The following MMS22L variants were observed in gnomAD, a reference collection of about 807,000 sequenced individuals.
The protein encoded by MMS22L is protein MMS22-like.
In MMS22L, 74 loss-of-function variants were observed where a neutral mutation model predicts 159.1. That is an observed-to-expected ratio of 0.47 (90% CI 0.39 to 0.56). MMS22L has a LOEUF of 0.56. Among genes scored for constraint, MMS22L ranks in the 20% least tolerant of loss-of-function variants. The pLI is 0.00. For missense variants in MMS22L, 1,351 were observed against 1,422.1 expected, an observed-to-expected ratio of 0.95 and a Z score of 0.80; for synonymous variants, 517 against 506.9, an observed-to-expected ratio of 1.02 and a Z score of -0.27.
intron 14 of MMS22L, among the ~76,000 whole-genome samples, chr6:97,188,517 A>C (rs1051739174): frequency 6.6e-6 from 1 of 152,196 alleles, no homozygotes; most frequent in Non-Finnish European, 1.5e-5. Flanking sequence ...AGGAAAGCTA[A>C]ATATGCCCAA....
intron 14 of MMS22L, among the ~76,000 whole-genome samples, chr6:97,221,738 C>A (rs917291294): frequency 6.6e-6 from 1 of 152,004 alleles, no homozygotes. Context: ...CAAATAAAAA[C>A]TGGTAATAGA....
At chr6:97,237,235 C>G (rs970039136) in intron 11 of MMS22L, among the ~76,000 whole-genome samples, 1 of 152,032 alleles carries the variant, frequency 6.6e-6, no homozygotes, top group Non-Finnish European at 1.5e-5. Context: ...AAGGACAGTT[C>G]GATTATACCC....
At chr6:97,219,131 G>T (rs1809351902) in intron 14 of MMS22L, among the ~76,000 whole-genome samples, 1 of 152,102 alleles carries the variant, frequency 6.6e-6, no homozygotes, top group South Asian at 2.1e-4. Flanking sequence ...GACACGTGGG[G>T]ATTACAATTT....
At chr6:97,220,907 G>C (rs1024336275) in intron 14 of MMS22L, among the ~76,000 whole-genome samples, 1 of 151,034 alleles carries the variant, frequency 6.6e-6, no homozygotes, top group Admixed American at 6.6e-5. Context: ...CACTATGCTA[G>C]AAGTATTATA....
chr6:97,227,044 T>TC (rs974717440), intron 14 of MMS22L, among the ~76,000 whole-genome samples: 1 of 151,944 alleles, frequency 6.6e-6, no homozygotes, highest in African/African-American at 2.4e-5. Context: ...ATCTCTTTTG[T>TC]CCCCCATTTG....
At position 97,229,012 on chromosome 6, in the gene MMS22L, A is replaced by C; in HGVS notation, c.1921T>G (p.Leu641Val). Residue 641 changes from leucine (L) to valine (V), a missense_variant, in exon 14 of 25, where the codon TTG becomes GTG. By Grantham distance (32) the Leu-to-Val change is conservative (BLOSUM62 1). Coordinates refer to ENST00000683635, the MANE Select transcript of MMS22L (RefSeq NM_001350599.2). ...VQEVFETSYC[L>V]YPSHEKLLND... ...AGCAGTTTTTCATGGGAAGGATACA[A>C]GCAATAGCTGGTCTCAAACACTTCT... 6.2e-7 allele frequency: 1 copy of C among 1,614,126 alleles called. No individual in the cohort carries two copies. Among genetic ancestry groups the C allele is most frequent in the Non-Finnish European group, 8.5e-7 (1 of 1,180,002 alleles).
chr6:97,162,072 T>A lies in MMS22L; in HGVS notation c.3315A>T (p.Thr1105=), dbSNP rs376669692. Residue 1105 remains threonine, a synonymous_variant, in exon 22 of 25, where the codon ACA becomes ACT. Coordinates refer to ENST00000683635, the MANE Select transcript of MMS22L (RefSeq NM_001350599.2). ...FILQLFKETN[T]DIYEVELLLP... is the part of the protein sequence containing the mutation. ...GGAGTAGTTCAACTTCATAAATGTC[T>A]GTGTTAGTTTCCTTGAAGAGTTGGA... 9.6e-5 allele frequency: 154 copies of A among 1,612,298 alleles called. No individual in the cohort carries two copies. Among genetic ancestry groups the A allele is most frequent in the Non-Finnish European group, 1.3e-4 (151 of 1,179,108 alleles).
intron 18 of MMS22L, among the ~76,000 whole-genome samples, chr6:97,173,574 C>T (rs1184409416): frequency 1.3e-5 from 2 of 152,126 alleles, no homozygotes; most frequent in Non-Finnish European, 2.9e-5. Flanking sequence ...GGTTGGCTCA[C>T]CATATTTCCC....
At chr6:97,260,775 T>G (rs1484318541) in intron 9 of MMS22L, 1 of 152,204 alleles carries the variant, frequency 6.6e-6, no homozygotes, top group Non-Finnish European at 1.5e-5. Flanking sequence ...GCTTAAAAGA[T>G]TCTTAATTCA....
chr6:97,157,511 G>C (rs1052787011), intron 22 of MMS22L, among the ~76,000 whole-genome samples: 5 of 152,164 alleles, frequency 3.3e-5, no homozygotes, highest in Admixed American at 2.6e-4. Context: ...CTAGTTTATT[G>C]AGAGTTGTTA....
chr6:97,194,716 A>T (rs999404557), intron 14 of MMS22L, among the ~76,000 whole-genome samples: 11 of 152,304 alleles, frequency 7.2e-5, no homozygotes, highest in Non-Finnish European at 1.5e-4. Context: ...GTGCAAAACA[A>T]AGTATAAGAT....
intron 23 of MMS22L, among the ~76,000 whole-genome samples, chr6:97,150,244 G>A (rs1801188340): frequency 1.3e-5 from 2 of 152,136 alleles, no homozygotes; most frequent in African/African-American, 4.8e-5. Flanking sequence ...CTGTGGGGAG[G>A]AGCAGGGAAG....
At chr6:97,203,849 T>C (rs1016197909) in intron 14 of MMS22L, among the ~76,000 whole-genome samples, 3 of 152,190 alleles carry the variant, frequency 2.0e-5, no homozygotes, top group Admixed American at 6.5e-5. Flanking sequence ...ATCTCTTTCT[T>C]CTGGAAGGGG....
Position 97,144,737 on chromosome 6 carries a change from TAA to T in MMS22L, c.*2067_*2068del, listed in dbSNP as rs543979182. On this transcript the variant is annotated 3_prime_UTR_variant, in exon 25 of 25. Transcript: ENST00000683635. The stretch of plus-strand genomic sequence containing the variant: ...ATAAGTGAAGGATCAGTGAAGATTT[TAA>T]AAAAAAGGAACTGAGCCATAAATTT... The T allele has an allele frequency of 6.6e-6, 1 of 151,316 alleles. No homozygotes were observed. Among genetic ancestry groups the T allele is most frequent in the African/African-American group, 2.4e-5 (1 of 41,186 alleles). The allele number at this position is 151,316 out of a possible 1,614,324, so 9.4% of individuals were successfully genotyped here.
intron 8 of MMS22L, chr6:97,264,698 C>T (rs978986324): frequency 6.6e-6 from 1 of 151,914 alleles, no homozygotes; most frequent in Admixed American, 6.6e-5. Context: ...AGTAAAGTTG[C>T]AGGATACAAA....
intron 4 of MMS22L, 185 bp from the exon 5 acceptor site, chr6:97,273,247 C>T (rs1815933423): frequency 6.9e-6 from 4 of 583,360 alleles, no homozygotes; most frequent in Non-Finnish European, 1.2e-5. Context: ...CCAATCACAC[C>T]CACATTGCCC....
chr6:97,162,479 T>C (rs924852877), intron 21 of MMS22L, among the ~76,000 whole-genome samples: 1 of 151,914 alleles, frequency 6.6e-6, no homozygotes, highest in African/African-American at 2.4e-5. Flanking sequence ...GTTTTTTTTT[T>C]CCCTTTCTAA....
intron 14 of MMS22L, among the ~76,000 whole-genome samples, chr6:97,189,380 T>C (rs1393298257): frequency 6.7e-6 from 1 of 150,180 alleles, no homozygotes; most frequent in African/African-American, 2.4e-5. Flanking sequence ...GGCAACATAG[T>C]GAAACCCCAT....
chr6:97,162,317 C>T, intron 21 of MMS22L, 152 bp from the exon 22 acceptor site: 2 of 606,702 alleles, frequency 3.3e-6, no homozygotes, highest in South Asian at 2.6e-5. Context: ...ATGCTATCTT[C>T]AAACATAGGA....
Sources: gnomAD v4.1 joint callset for allele counts (sites outside exome capture counted in the v4.1 genomes callset) on GRCh38, gnomAD v4.1.1 for gene constraint, MANE v1.5 for transcripts, NCBI Gene and HGNC (gene_info 2026-07-23, HGNC 2026-07-21) for gene names.